Variants in TAFA1 observed in about 807,000 individuals in gnomAD.
TAFA1 encodes TAFA chemokine like family member 1.
TAFA1 carries 4 observed loss-of-function variants against 18.5 expected under a neutral mutation model. The observed-to-expected ratio is 0.22, with a 90% CI of 0.11 to 0.49. The LOEUF (loss-of-function observed/expected upper bound fraction) is 0.49. Among genes scored for constraint, TAFA1 ranks in the 20% least tolerant of loss-of-function variants. The pLI, the probability that TAFA1 is intolerant of heterozygous loss-of-function variation, is 0.98. For missense variants in TAFA1, 147 were observed against 169.0 expected, an observed-to-expected ratio of 0.87 and a Z score of 0.72; for synonymous variants, 56 against 55.2, an observed-to-expected ratio of 1.01 and a Z score of -0.06.
At chr3:68,521,391 A>G (rs1159060597) in intron 3 of TAFA1, among the ~76,000 whole-genome samples, 3 of 152,196 alleles carry the variant, frequency 2.0e-5, no homozygotes, top group Non-Finnish European at 4.4e-5. Flanking sequence ...TCTGTAGCCA[A>G]TTTACAATGC....
intron 2 of TAFA1, among the ~76,000 whole-genome samples, chr3:68,041,237 G>T (rs553426059): frequency 6.1e-4 from 93 of 152,170 alleles, no homozygotes; most frequent in Non-Finnish European, 1.2e-3. Flanking sequence ...TCTGTGTTGA[G>T]ATTCTTTTAC....
At chr3:68,324,744 A>G (rs1289385024) in intron 2 of TAFA1, among the ~76,000 whole-genome samples, 3 of 152,210 alleles carry the variant, frequency 2.0e-5, no homozygotes, top group South Asian at 2.1e-4. Flanking sequence ...TTACTTTTGC[A>G]CCAACTTGTA....
In TAFA1 at chr3:68,150,712, TGA is replaced by T. The variant is rs1026039363; in HGVS notation, c.118+143970_118+143971del. Among the ~76,000 whole-genome samples the T allele has an allele frequency of 7.9e-5, 12 of 152,254 alleles. 1 individual carries two copies. The highest frequency in any genetic ancestry group is 2.6e-4 in the African/African-American group (11 of 41,560). On this transcript the variant is annotated intron_variant, in intron 2 of 4. Transcript: ENST00000478136. ...TTTCTTTCCCGCCTATTGAAATTGA[TGA>T]GTTAGGTTATTTTTGATTGCTTCCT... is the stretch of plus-strand genomic sequence containing the variant.
intron 2 of TAFA1, among the ~76,000 whole-genome samples, chr3:68,113,019 G>A (rs2065279065): frequency 6.6e-6 from 1 of 152,100 alleles, no homozygotes; most frequent in Non-Finnish European, 1.5e-5. Context: ...TACACTCAAT[G>A]TCGTGTATCA....
intron 3 of TAFA1, among the ~76,000 whole-genome samples, chr3:68,537,438 T>C (rs2073294015): frequency 6.6e-6 from 1 of 152,198 alleles, no homozygotes; most frequent in Admixed American, 6.5e-5. Flanking sequence ...AATCAGGTTA[T>C]ATGGCAAGAC....
chr3:68,147,657 C>T (rs1348616480), intron 2 of TAFA1, among the ~76,000 whole-genome samples: 4 of 152,110 alleles, frequency 2.6e-5, no homozygotes, highest in Non-Finnish European at 4.4e-5. Flanking sequence ...CAACCAGAGA[C>T]AATTTTCTGA....
At chr3:68,484,588 G>A (rs936089543) in intron 3 of TAFA1, among the ~76,000 whole-genome samples, 1 of 152,206 alleles carries the variant, frequency 6.6e-6, no homozygotes, top group Non-Finnish European at 1.5e-5. Context: ...AGGAGAGAAA[G>A]AAGCTGGGCA....
At chr3:68,146,758 C>CAGGGT (rs1359703992) in intron 2 of TAFA1, among the ~76,000 whole-genome samples, 1 of 152,254 alleles carries the variant, frequency 6.6e-6, no homozygotes, top group East Asian at 1.9e-4. Flanking sequence ...AGAGGTCTGC[C>CAGGGT]AGGGTAAGCA....
chr3:68,005,883 C>G (rs995236345), intron 1 of TAFA1, among the ~76,000 whole-genome samples: 3 of 152,042 alleles, frequency 2.0e-5, no homozygotes, highest in Admixed American at 6.6e-5. Flanking sequence ...TTTCAGCACC[C>G]GAGAAAAGGT....
At chr3:68,338,506 C>T (rs6549118) in intron 2 of TAFA1, among the ~76,000 whole-genome samples, 69,613 of 151,946 alleles carry the variant, frequency 0.46, 16,368 homozygotes, top group South Asian at 0.64. Flanking sequence ...TATTATGTGC[C>T]ATATTCTGTG....
upstream of TAFA1, among the ~76,000 whole-genome samples, chr3:67,999,962 T>C (rs1300095378): frequency 1.3e-5 from 2 of 152,144 alleles, no homozygotes; most frequent in Non-Finnish European, 2.9e-5. Context: ...ATAATTTTCA[T>C]ATTTTTAGTA....
At chr3:68,053,727 A>G (rs1362201748) in intron 2 of TAFA1, among the ~76,000 whole-genome samples, 1 of 152,082 alleles carries the variant, frequency 6.6e-6, no homozygotes, top group East Asian at 1.9e-4. Context: ...TTTTAGAGAT[A>G]GGGTCTCGCT....
At chr3:68,409,071 A>T (rs1244097131) in intron 2 of TAFA1, among the ~76,000 whole-genome samples, 1 of 152,190 alleles carries the variant, frequency 6.6e-6, no homozygotes, top group Non-Finnish European at 1.5e-5. Flanking sequence ...GCTCATACAC[A>T]GTAGAATATA....
At chr3:68,441,425 A>G (rs905041948) in intron 3 of TAFA1, among the ~76,000 whole-genome samples, 1 of 152,246 alleles carries the variant, frequency 6.6e-6, no homozygotes, top group Admixed American at 6.5e-5. Context: ...TCTTCTGCAG[A>G]TTACTACTCT....
At chr3:68,363,243 C>A (rs542554225) in intron 2 of TAFA1, among the ~76,000 whole-genome samples, 1 of 151,938 alleles carries the variant, frequency 6.6e-6, no homozygotes, top group Non-Finnish European at 1.5e-5. Flanking sequence ...TAGAAATATT[C>A]GAGCTGGGCT....
chr3:68,124,438 CTG>C (rs1346583821), intron 2 of TAFA1, among the ~76,000 whole-genome samples: 1 of 152,084 alleles, frequency 6.6e-6, no homozygotes, highest in African/African-American at 2.4e-5. Context: ...GTCTCTGAGA[CTG>C]TATATAAAAT....
intron 2 of TAFA1, among the ~76,000 whole-genome samples, chr3:68,226,871 A>T (rs527911217): frequency 6.6e-6 from 1 of 152,174 alleles, no homozygotes; most frequent in Non-Finnish European, 1.5e-5. Context: ...TCTGCCAAGC[A>T]CAAGCTTGGG....
At chr3:68,398,556 A>G (rs891998079) in intron 2 of TAFA1, among the ~76,000 whole-genome samples, 4 of 152,190 alleles carry the variant, frequency 2.6e-5, no homozygotes, top group Admixed American at 1.3e-4. Context: ...GTAGAAGTGG[A>G]GTATAAAGCA....
intron 2 of TAFA1, among the ~76,000 whole-genome samples, chr3:68,045,699 G>A (rs1705253915): frequency 6.6e-6 from 1 of 152,106 alleles, no homozygotes; most frequent in African/African-American, 2.4e-5. Flanking sequence ...ATTATGTCTA[G>A]CTTGGGCACT....
Sources: gnomAD v4.1 joint callset for allele counts (sites outside exome capture counted in the v4.1 genomes callset) on GRCh38, gnomAD v4.1.1 for gene constraint, MANE v1.5 for transcripts, NCBI Gene and HGNC (gene_info 2026-07-23, HGNC 2026-07-21) for gene names.